The following ITGBL1 variants were observed in gnomAD, a reference collection of about 807,000 sequenced individuals.
ITGBL1 encodes the protein integrin subunit beta like 1, also known as integrin beta-like protein 1.
In ITGBL1, 51 loss-of-function variants were observed where a neutral mutation model predicts 68.5. That is an observed-to-expected ratio of 0.74 (90% CI 0.59 to 0.94). The LOEUF (loss-of-function observed/expected upper bound fraction) is 0.94, where lower values mean the gene tolerates loss of function less well. Ranked by LOEUF, ITGBL1 falls within the 40% of genes least tolerant of loss-of-function variation. The pLI is 0.00. For missense variants in ITGBL1, 649 were observed against 647.4 expected, an observed-to-expected ratio of 1.00 and a Z score of -0.03; for synonymous variants, 209 against 227.3, an observed-to-expected ratio of 0.92 and a Z score of 0.72.
At chr13:101,455,526 G>T (rs2048231565) in intron 2 of ITGBL1, among the ~76,000 whole-genome samples, 1 of 152,136 alleles carries the variant, frequency 6.6e-6, no homozygotes, top group African/African-American at 2.4e-5. Context: ...AATTAGCTGG[G>T]CGTCGTGGCA....
chr13:101,546,039 C>A (rs2049817163), intron 2 of ITGBL1, among the ~76,000 whole-genome samples: 1 of 151,866 alleles, frequency 6.6e-6, no homozygotes, highest in African/African-American at 2.4e-5. Context: ...ATGAATCTTA[C>A]AATATTATAG....
intron 8 of ITGBL1, among the ~76,000 whole-genome samples, chr13:101,694,092 C>T (rs750399771): frequency 6.6e-6 from 1 of 152,102 alleles, no homozygotes; most frequent in Non-Finnish European, 1.5e-5. Flanking sequence ...GTGGCAGACC[C>T]AGAATTTCAG....
intron 8 of ITGBL1, among the ~76,000 whole-genome samples, chr13:101,702,059 T>C (rs2139576687): frequency 6.6e-6 from 1 of 152,296 alleles, no homozygotes. Flanking sequence ...TCTACTTTAA[T>C]TATCTGTTTC....
chr13:101,604,907 T>C (rs1411107918), intron 7 of ITGBL1, among the ~76,000 whole-genome samples: 2 of 45,894 alleles, frequency 4.4e-5, no homozygotes, highest in African/African-American at 6.4e-5. Context: ...CACACATATA[T>C]ATGTGCATAT....
chr13:101,562,358 A>G lies in ITGBL1; in HGVS notation c.317-5341A>G, dbSNP rs571750717. On this transcript the variant is annotated intron_variant, in intron 2 of 10. Transcript: ENST00000376180. ...TCCAGCAATGTAAAAAATCATGTTA[A>G]ATGTGATCTCTTTAAACTCACCAGT... is the stretch of plus-strand genomic sequence containing the variant. Among the ~76,000 whole-genome samples, 3 of 152,174 alleles carry G rather than the reference A, an allele frequency of 2.0e-5. No homozygotes were observed. In the South Asian group the frequency reaches 6.2e-4, roughly 32 times the overall value.
At chr13:101,484,079 T>G (rs2048667300) in intron 2 of ITGBL1, among the ~76,000 whole-genome samples, 1 of 152,144 alleles carries the variant, frequency 6.6e-6, no homozygotes. Context: ...CCCTGCTTTT[T>G]GTCTAACTAG....
At chr13:101,509,866 A>C (rs2049087305) in intron 2 of ITGBL1, among the ~76,000 whole-genome samples, 1 of 151,932 alleles carries the variant, frequency 6.6e-6, no homozygotes, top group Admixed American at 6.6e-5. Flanking sequence ...TCAAATCCCC[A>C]ATGTTTTAAA....
At chr13:101,653,773 C>G (rs2032829691) in intron 7 of ITGBL1, among the ~76,000 whole-genome samples, 1 of 151,824 alleles carries the variant, frequency 6.6e-6, no homozygotes, top group Admixed American at 6.6e-5. Flanking sequence ...ACTGCAACCT[C>G]TGCCTCCTGG....
chr13:101,668,968 T>C (rs2033289944), intron 7 of ITGBL1, among the ~76,000 whole-genome samples: 1 of 152,192 alleles, frequency 6.6e-6, no homozygotes. Flanking sequence ...TGTATATTCA[T>C]AAGCTGTTGC....
chr13:101,491,098 A>AT (rs1440803846), intron 2 of ITGBL1, among the ~76,000 whole-genome samples: 1 of 152,202 alleles, frequency 6.6e-6, no homozygotes, highest in Non-Finnish European at 1.5e-5. Context: ...AAGTGCTTAT[A>AT]TATCTCCAAC....
chr13:101,524,555 A>C (rs1344023741), intron 2 of ITGBL1, among the ~76,000 whole-genome samples: 1 of 151,328 alleles, frequency 6.6e-6, no homozygotes, highest in Non-Finnish European at 1.5e-5. Flanking sequence ...GTAATTTTGC[A>C]TTTGTTTGTG....
At chr13:101,720,462 C>G (rs948748338), downstream of ITGBL1, 4 of 151,818 alleles carry the variant, frequency 2.6e-5, no homozygotes, top group African/African-American at 9.7e-5. Context: ...AATAAACAGA[C>G]TTGCAGGGGA....
intron 6 of ITGBL1, among the ~76,000 whole-genome samples, chr13:101,584,703 A>G (rs778241052): frequency 3.9e-5 from 6 of 152,090 alleles, no homozygotes; most frequent in Non-Finnish European, 5.9e-5. Flanking sequence ...ATTATTAATT[A>G]TACATGCTCA....
At chr13:101,474,914 A>G (rs2139649221) in intron 2 of ITGBL1, among the ~76,000 whole-genome samples, 1 of 152,332 alleles carries the variant, frequency 6.6e-6, no homozygotes, top group Admixed American at 6.5e-5. Context: ...CCAAAGATTT[A>G]GATAACAACA....
chr13:101,625,920 T>G (rs1300547817), intron 7 of ITGBL1, among the ~76,000 whole-genome samples: 4 of 152,304 alleles, frequency 2.6e-5, no homozygotes, highest in African/African-American at 9.6e-5. Flanking sequence ...TGCACATGTA[T>G]TTTTCATCAA....
chr13:101,489,955 C>T, intron 2 of ITGBL1: 1 of 1,507,436 alleles, frequency 6.6e-7, no homozygotes, highest in Non-Finnish European at 8.9e-7. Flanking sequence ...TTACTTTAAA[C>T]TTTGTCTCAT....
At chr13:101,488,549 G>A (rs1594841308) in intron 2 of ITGBL1, among the ~76,000 whole-genome samples, 1 of 152,180 alleles carries the variant, frequency 6.6e-6, no homozygotes, top group South Asian at 2.1e-4. Flanking sequence ...ACTTGAGAGA[G>A]CTGTTAACCA....
intron 2 of ITGBL1, among the ~76,000 whole-genome samples, chr13:101,556,632 C>CA (rs1479310926): frequency 5.5e-5 from 8 of 144,798 alleles, no homozygotes; most frequent in Admixed American, 1.4e-4. Context: ...AATTCCGTCT[C>CA]AAAAAAAAAA....
intron 2 of ITGBL1, among the ~76,000 whole-genome samples, chr13:101,556,339 TAAG>T (rs2050004887): frequency 6.6e-6 from 1 of 152,168 alleles, no homozygotes. Flanking sequence ...GGTATCCTTA[TAAG>T]AAGAAGAAAA....
Sources: gnomAD v4.1 joint callset for allele counts (sites outside exome capture counted in the v4.1 genomes callset) on GRCh38, gnomAD v4.1.1 for gene constraint, MANE v1.5 for transcripts, NCBI Gene and HGNC (gene_info 2026-07-23, HGNC 2026-07-21) for gene names.